Variants in PHF24 observed in about 807,000 individuals in gnomAD.
PHF24 encodes the protein Galpha inhibitory interacting protein.
Under a neutral mutation model 42.6 loss-of-function variants are expected in PHF24, and 25 were observed. The observed-to-expected ratio is 0.59, with a 90% CI of 0.43 to 0.82. The LOEUF (loss-of-function observed/expected upper bound fraction) is 0.82, where lower values mean the gene tolerates loss of function less well. PHF24 is among the 40% of genes least tolerant of loss of function. PHF24 has a pLI of 0.00. For synonymous variants in PHF24, 185 were observed against 204.8 expected, an observed-to-expected ratio of 0.90 and a Z score of 0.83; for missense variants, 470 against 538.1, an observed-to-expected ratio of 0.87 and a Z score of 1.25.
chr9:34,836,317 G>A, the PHF24 span, among the ~76,000 whole-genome samples: 1 of 152,204 alleles, frequency 6.6e-6, no homozygotes, highest in African/African-American at 2.4e-5. Context: ...TGAGTTCTGT[G>A]TTGGCCTTGT....
At chr9:34,847,722 A>G in the PHF24 span, among the ~76,000 whole-genome samples, 11 of 151,770 alleles carry the variant, frequency 7.2e-5, no homozygotes, top group Non-Finnish European at 1.2e-4. Flanking sequence ...ATTCAGTGTG[A>G]TATTGGCTGT....
chr9:34,730,671 G>A, the PHF24 span, among the ~76,000 whole-genome samples: 600 of 152,342 alleles, frequency 3.9e-3, 1 homozygote, highest in African/African-American at 0.012. Flanking sequence ...ATACTCATTC[G>A]TAAGGCTCTG....
the PHF24 span, among the ~76,000 whole-genome samples, chr9:34,755,764 GC>G: frequency 6.6e-6 from 1 of 152,050 alleles, no homozygotes; most frequent in South Asian, 2.1e-4. Context: ...TCCTGCCTCA[GC>G]CACCCAATAG....
chr9:34,868,644 G>A, the PHF24 span, among the ~76,000 whole-genome samples: 1 of 152,192 alleles, frequency 6.6e-6, no homozygotes, highest in Non-Finnish European at 1.5e-5. Flanking sequence ...GAGAGCTCTG[G>A]TTGCAACTGA....
the PHF24 span, among the ~76,000 whole-genome samples, chr9:34,870,132 C>T: frequency 3.3e-4 from 50 of 152,070 alleles, 2 homozygotes; most frequent in South Asian, 7.7e-3. Flanking sequence ...TATGCCCCCA[C>T]CCCAGCAAAA....
the PHF24 span, among the ~76,000 whole-genome samples, chr9:34,826,929 G>A: frequency 1.3e-5 from 2 of 152,248 alleles, no homozygotes; most frequent in Middle Eastern, 3.4e-3. Flanking sequence ...CAGGGATTAT[G>A]GGATGAGCAA....
the PHF24 span, among the ~76,000 whole-genome samples, chr9:34,949,013 T>A: frequency 1.3e-5 from 2 of 152,194 alleles, no homozygotes. Context: ...TATATGCACA[T>A]AATAACAGAT....
the PHF24 span, among the ~76,000 whole-genome samples, chr9:34,759,030 C>T: frequency 6.6e-6 from 1 of 152,194 alleles, no homozygotes; most frequent in Non-Finnish European, 1.5e-5. Flanking sequence ...CCCCTCAATA[C>T]TGCAGTCAAA....
chr9:34,823,686 TG>T, the PHF24 span, among the ~76,000 whole-genome samples: 2 of 151,860 alleles, frequency 1.3e-5, no homozygotes, highest in African/African-American at 4.8e-5. Context: ...CCTGGCTGGA[TG>T]AAAAACTAGG....
chr9:34,682,996 G>A, the PHF24 span, among the ~76,000 whole-genome samples: 10 of 151,852 alleles, frequency 6.6e-5, no homozygotes, highest in South Asian at 2.1e-4. Context: ...AAAATCAAGC[G>A]AACAAGTTGT....
At chr9:34,845,003 A>G in the PHF24 span, among the ~76,000 whole-genome samples, 1 of 152,276 alleles carries the variant, frequency 6.6e-6, no homozygotes, top group Non-Finnish European at 1.5e-5. Flanking sequence ...TAGGTGCTCC[A>G]ATATTGGGTG....
At chr9:34,724,797 G>C in the PHF24 span, 2 of 1,551,412 alleles carry the variant, frequency 1.3e-6, no homozygotes, top group South Asian at 1.2e-5. Context: ...ACGGGACTAG[G>C]CTCCATCTCT....
chr9:34,834,965 GCAAC>G, the PHF24 span: 1 of 1,453,360 alleles, frequency 6.9e-7, no homozygotes, highest in Non-Finnish European at 9.2e-7. Context: ...CATGAAAGTG[GCAAC>G]CAGGGACTCA....
the PHF24 span, among the ~76,000 whole-genome samples, chr9:34,804,613 G>T: frequency 6.6e-6 from 1 of 152,140 alleles, no homozygotes; most frequent in African/African-American, 2.4e-5. Context: ...GATGTATTAA[G>T]AAACCACCCC....
intron 1 of PHF24, among the ~76,000 whole-genome samples, chr9:34,962,767 G>C (rs773605638): frequency 7.9e-5 from 12 of 152,204 alleles, no homozygotes; most frequent in Non-Finnish European, 1.6e-4. Context: ...CTTAACTGTT[G>C]CTCTGCCTCT....
chr9:34,948,371 A>T, the PHF24 span, among the ~76,000 whole-genome samples: 1 of 152,240 alleles, frequency 6.6e-6, no homozygotes, highest in Non-Finnish European at 1.5e-5. Flanking sequence ...AGTCATGTGC[A>T]GTAATTTCCT....
chr9:34,833,005 C>T, the PHF24 span: 2 of 1,551,630 alleles, frequency 1.3e-6, no homozygotes, highest in Non-Finnish European at 8.7e-7. Context: ...AGCTACGGCT[C>T]CATCGCCAGG....
the PHF24 span, among the ~76,000 whole-genome samples, chr9:34,829,283 G>GGAT: frequency 2.0e-5 from 3 of 152,150 alleles, no homozygotes; most frequent in Admixed American, 2.0e-4. Flanking sequence ...ATGTGTAAAT[G>GGAT]GATGATGGTG....
the PHF24 span, among the ~76,000 whole-genome samples, chr9:34,805,876 T>G: frequency 6.6e-6 from 1 of 152,334 alleles, no homozygotes; most frequent in East Asian, 1.9e-4. Flanking sequence ...CAACTTTGTG[T>G]ATGGTGTGAG....
Sources: gnomAD v4.1 joint callset for allele counts (sites outside exome capture counted in the v4.1 genomes callset) on GRCh38, gnomAD v4.1.1 for gene constraint, MANE v1.5 for transcripts, NCBI Gene and HGNC (gene_info 2026-07-23, HGNC 2026-07-21) for gene names.